Variants in L3MBTL2 observed in about 807,000 individuals in gnomAD.
L3MBTL2 encodes the protein L3MBTL histone methyl-lysine binding protein 2.
In L3MBTL2, 49 loss-of-function variants were observed where a neutral mutation model predicts 86.4. The ratio of observed to expected loss-of-function variants is 0.57; its 90% CI spans 0.45 to 0.72. L3MBTL2 has a LOEUF of 0.72. Ranked by LOEUF, L3MBTL2 falls within the 30% of genes least tolerant of loss-of-function variation. The pLI is 0.00. For synonymous variants in L3MBTL2, 336 were observed against 350.6 expected (o/e 0.96, Z 0.47); for missense variants, 755 against 923.7 (o/e 0.82, Z 2.37).
In L3MBTL2 at chr22:41,224,010, G is replaced by A. The variant is rs370211909; in HGVS notation, c.943-10G>A. Reference sequence around the variant, plus strand: ...AGCCATAGCAGGCCTGTGTTCTGACGTCGTTTCAGATGGTGGAGAGCATGA... The same window carrying A: ...AGCCATAGCAGGCCTGTGTTCTGACATCGTTTCAGATGGTGGAGAGCATGA... On this transcript the variant is annotated splice_polypyrimidine_tract_variant and intron_variant, in intron 8 of 16. Transcript: ENST00000216237. The surrounding 1 kb of genome is among the most constrained non-coding windows in gnomAD (Gnocchi z 4.9). 8.0e-5 allele frequency: 129 copies of A among 1,610,674 alleles called. No homozygotes were observed. Among genetic ancestry groups the A allele is most frequent in the South Asian group, 4.3e-4 (39 of 90,994 alleles).
chr22:41,227,262 C>T lies in L3MBTL2; in HGVS notation c.1761C>T (p.Asp587=). The change falls in exon 14 of 17, where the codon GAC becomes GAT. Residue 587 remains aspartate (D), a synonymous_variant. Transcript: ENST00000216237. The surrounding 1 kb of genome is among the most constrained non-coding windows in gnomAD (Gnocchi z 6.0). ...YDQWVDCESP[D]IYPVGWCELT... is the part of the protein sequence containing the mutation. ...AGTGGGTGGACTGCGAGTCCCCAGA[C>T]ATCTACCCCGTCGGCTGGTGTGAGC... 3.7e-6 allele frequency: 6 copies of T among 1,612,896 alleles called. No homozygotes were observed. Among genetic ancestry groups the T allele is most frequent in the Non-Finnish European group, 5.1e-6 (6 of 1,179,824 alleles).
chr22:41,213,561 G>A (rs1723936282), intron 2 of L3MBTL2: 2 of 172,972 alleles, frequency 1.2e-5, no homozygotes, highest in Admixed American at 1.2e-4. Context: ...CAAACTGCCG[G>A]GATTACAGAC....
chr22:41,229,092 T>A (rs565922773), intron 15 of L3MBTL2, among the ~76,000 whole-genome samples: 2 of 151,598 alleles, frequency 1.3e-5, no homozygotes, highest in South Asian at 4.2e-4. Flanking sequence ...ACCCCTAATT[T>A]AAAAAAAATT....
chr22:41,222,507 T>C (rs761469223), intron 8 of L3MBTL2, among the ~76,000 whole-genome samples: 11 of 152,088 alleles, frequency 7.2e-5, no homozygotes, highest in Admixed American at 3.9e-4. Context: ...TAAAAGTGAC[T>C]CATACCTGTC....
intron 6 of L3MBTL2, among the ~76,000 whole-genome samples, chr22:41,220,515 G>A (rs1221647818): frequency 6.6e-6 from 1 of 151,998 alleles, no homozygotes; most frequent in Non-Finnish European, 1.5e-5. Context: ...GTGAAACCCC[G>A]TCTCTATTTA....
At chr22:41,216,471 G>A (rs2031369343) in intron 4 of L3MBTL2, among the ~76,000 whole-genome samples, 1 of 152,076 alleles carries the variant, frequency 6.6e-6, no homozygotes, top group South Asian at 2.1e-4. Context: ...TAAATTATCA[G>A]GACTCCTACC....
At chr22:41,216,051 C>T (rs2031333710) in intron 3 of L3MBTL2, 88 bp from the exon 4 acceptor site, 1 of 1,444,246 alleles carries the variant, frequency 6.9e-7, no homozygotes, top group Non-Finnish European at 9.4e-7. Flanking sequence ...AGTCACTGGC[C>T]CAAGCCCAGG....
At chr22:41,217,375 T>C in intron 5 of L3MBTL2, 173 bp downstream of exon 5, 1 of 596,348 alleles carries the variant, frequency 1.7e-6, no homozygotes, top group East Asian at 2.8e-5. Context: ...AAAATCCTCC[T>C]ACAAACACTT....
chr22:41,224,587 G>T lies in L3MBTL2; in HGVS notation c.1175-138G>T. ...CCTTTCTGTCTGCTACTCTGGGGTG[G>T]GGGGTCCTGAGATACAGAGATACAG... On this transcript the variant is annotated intron_variant, in intron 9 of 16. Coordinates refer to ENST00000216237, the MANE Select transcript of L3MBTL2 (RefSeq NM_031488.5). The surrounding 1 kb of genome is among the most constrained non-coding windows in gnomAD (Gnocchi z 4.9). The T allele has an allele frequency of 1.5e-6, 1 of 663,582 alleles. No individual in the cohort carries two copies. 41.1% of individuals were successfully genotyped at this position (663,582 alleles called of 1,614,324 possible).
At chr22:41,211,255 C>T (rs1385737872) in intron 2 of L3MBTL2, among the ~76,000 whole-genome samples, 1 of 152,154 alleles carries the variant, frequency 6.6e-6, no homozygotes, top group Admixed American at 6.6e-5. Context: ...GGCTGCAGTG[C>T]AGTGGTGTGA....
In L3MBTL2 at chr22:41,209,797, T is replaced by C. The variant is rs1456097187; in HGVS notation, c.126T>C (p.Ser42=). 2.5e-6 allele frequency: 4 copies of C among 1,614,142 alleles called. No homozygotes were observed. The highest frequency in any genetic ancestry group is 3.4e-6 in the Non-Finnish European group (4 of 1,180,030). The part of the protein sequence containing the change: ...SFRSYNSSVG[S]ESSSYLEESS... Reference sequence around the variant, plus strand: ...GGAGTTATAACAGCAGTGTGGGCAGTGAGAGCAGCTCCTATCTGGAGGAGT... The same window carrying C: ...GGAGTTATAACAGCAGTGTGGGCAGCGAGAGCAGCTCCTATCTGGAGGAGT... The change falls in exon 2 of 17, where the codon AGT becomes AGC. Residue 42 remains serine, a synonymous_variant. Coordinates refer to ENST00000216237, the MANE Select transcript of L3MBTL2 (RefSeq NM_031488.5).
chr22:41,226,165 C>T (rs2145612020), intron 12 of L3MBTL2, among the ~76,000 whole-genome samples: 1 of 152,250 alleles, frequency 6.6e-6, no homozygotes. Context: ...TAATCCCAGC[C>T]ACTCGGGAGT....
intron 2 of L3MBTL2, 197 bp downstream of exon 2, chr22:41,210,130 T>G: frequency 2.1e-6 from 1 of 470,578 alleles, no homozygotes; most frequent in Non-Finnish European, 3.6e-6. Context: ...CTTCCTTTGC[T>G]GAAGTCTAAT....
At chr22:41,221,315 C>T in intron 8 of L3MBTL2, 28 bp downstream of exon 8, 1 of 1,516,702 alleles carries the variant, frequency 6.6e-7, no homozygotes, top group Non-Finnish European at 9.0e-7. Flanking sequence ...AACTGATGTG[C>T]CTCCTTCCGC....
chr22:41,208,957 G>A (rs1340251519), intron 1 of L3MBTL2, among the ~76,000 whole-genome samples: 1 of 152,006 alleles, frequency 6.6e-6, no homozygotes, highest in African/African-American at 2.4e-5. Context: ...TGGCCAGGTT[G>A]GTCTTGAACT....
At chr22:41,229,686 G>A (rs1601544833) in intron 16 of L3MBTL2, 30 bp downstream of exon 16, 3 of 1,612,902 alleles carry the variant, frequency 1.9e-6, no homozygotes, top group African/African-American at 1.3e-5. Context: ...GTCAAGGCAG[G>A]ACCAGCCTGC....
At chr22:41,212,554 C>T (rs569498292) in intron 2 of L3MBTL2, among the ~76,000 whole-genome samples, 5 of 152,002 alleles carry the variant, frequency 3.3e-5, no homozygotes, top group African/African-American at 1.2e-4. Context: ...CCCACCACCG[C>T]GCCCGGCCAT....
At position 41,209,910 on chromosome 22, in the gene L3MBTL2, T is replaced by G. The variant is rs1466709565; in HGVS notation, c.239T>G (p.Leu80Trp). 1.1e-5 allele frequency: 17 copies of G among 1,613,724 alleles called. No individual in the cohort carries two copies. Among genetic ancestry groups the G allele is most frequent in the Non-Finnish European group, 1.4e-5 (17 of 1,179,840 alleles). Residue 80 changes from leucine to tryptophan, a missense_variant, in exon 2 of 17, where the codon TTG becomes TGG. This residue lies in a region of L3MBTL2 where 103 missense variants were observed against 105.2 expected (regional missense o/e 0.98). Transcript: ENST00000216237. ...CTCAGCCCTGGGACTCCTCGCTCCT[T>G]GGATGGCAGTGGTTCTGAGCCAGGT... ...HLLSPGTPRS[L>W]DGSGSEPAVC...
Position 41,220,747 on chromosome 22 carries a change from G to A in L3MBTL2, c.732G>A (p.Leu244=), listed in dbSNP as rs756646886. The part of the protein sequence containing the change: ...SVIQTAGYRV[L]LRYEGFENDA... ...CTTTCCTTTCAGGGTATCGGGTGCT[G>A]CTTCGGTATGAAGGCTTTGAAAATG... The change falls in exon 7 of 17, where the codon CTG becomes CTA. Residue 244 remains leucine, a synonymous_variant. Coordinates refer to ENST00000216237, the MANE Select transcript of L3MBTL2 (RefSeq NM_031488.5). 6 of 1,613,158 alleles carry A rather than the reference G, an allele frequency of 3.7e-6. No homozygotes were observed. The South Asian group carries it at 6.6e-5, about 18-fold the overall frequency.
Sources: allele counts gnomAD v4.1 joint callset (sites outside exome capture counted in the v4.1 genomes callset), GRCh38; gene constraint gnomAD v4.1.1; regional missense constraint gnomAD v4.1.1; non-coding constraint Gnocchi (gnomAD v3.1); transcripts MANE v1.5; gene names NCBI Gene and HGNC (gene_info 2026-07-23, HGNC 2026-07-21).